Variants in PUDP observed in about 807,000 individuals in gnomAD.
PUDP encodes pseudouridine-5'-phosphatase.
In PUDP, 8 loss-of-function variants were observed where a neutral mutation model predicts 9.4. That is an observed-to-expected ratio of 0.85 (90% CI 0.50 to 1.53). The LOEUF (loss-of-function observed/expected upper bound fraction) is 1.53. Ranked by LOEUF, PUDP falls within the 40% of genes most tolerant of loss-of-function variation. The pLI, the probability that PUDP is intolerant of heterozygous loss-of-function variation, is 0.00. For missense variants in PUDP, 188 were observed against 189.7 expected, an observed-to-expected ratio of 0.99 and a Z score of 0.05; for synonymous variants, 99 against 80.7, an observed-to-expected ratio of 1.23 and a Z score of -1.22.
At chrX:7,138,215 T>C (rs1932768254) in intron 1 of PUDP, among the ~76,000 whole-genome samples, 1 of 111,392 alleles carries the variant, frequency 9.0e-6, no homozygotes, top group Non-Finnish European at 1.9e-5. Flanking sequence ...GGTGTCTCGA[T>C]AACCATCCTA....
At chrX:7,035,338 T>C (rs1371125900) in intron 1 of PUDP, among the ~76,000 whole-genome samples, 1 of 112,099 alleles carries the variant, frequency 8.9e-6, no homozygotes, top group Admixed American at 9.5e-5. Context: ...TAACCACTTA[T>C]GCAATTATTT....
At chrX:7,122,470 A>AT (rs781254091) in intron 1 of PUDP, among the ~76,000 whole-genome samples, 5 of 110,949 alleles carry the variant, frequency 4.5e-5, no homozygotes, top group South Asian at 7.7e-4. Flanking sequence ...TCCTACATGG[A>AT]TTTTTTCAAA....
chrX:7,133,893 G>A (rs2146929201), intron 1 of PUDP, among the ~76,000 whole-genome samples: 1 of 112,310 alleles, frequency 8.9e-6, no homozygotes, highest in South Asian at 3.7e-4. Flanking sequence ...CTTGATCTCA[G>A]CATAAACCCT....
At chrX:6,709,693 T>A (rs1924509691) in intron 1 of PUDP, among the ~76,000 whole-genome samples, 1 of 112,620 alleles carries the variant, frequency 8.9e-6, no homozygotes. Context: ...AATTTTATGC[T>A]CAGACTATAG....
intron 1 of PUDP, among the ~76,000 whole-genome samples, chrX:6,712,570 G>A (rs1031598722): frequency 8.9e-6 from 1 of 112,114 alleles, no homozygotes; most frequent in African/African-American, 3.2e-5. Context: ...GCAGTAAGAT[G>A]AAGCGGTTCA....
intron 1 of PUDP, among the ~76,000 whole-genome samples, chrX:6,711,932 G>A (rs1341435078): frequency 9.0e-6 from 1 of 111,522 alleles, no homozygotes; most frequent in Non-Finnish European, 1.9e-5. Context: ...ACCTATAGTC[G>A]CATCCTCAGA....
At chrX:7,064,680 C>T (rs1930497377) in intron 3 of PUDP, among the ~76,000 whole-genome samples, 1 of 111,298 alleles carries the variant, frequency 9.0e-6, no homozygotes, top group African/African-American at 3.3e-5. Context: ...CACACAGAGC[C>T]CCTTGACTCC....
At position 6,907,632 on chromosome X, in the gene PUDP, A is replaced by C. The variant is rs374314319; in HGVS notation, c.*247+69501T>G. ...AGCACCTCCCACAAAGTAAGAGCTC[A>C]ATAAAGTCACTGTAGGAATGAATTA... On this transcript the variant is annotated intron_variant and NMD_transcript_variant, in intron 3 of 3. Coordinates refer to the PUDP transcript ENST00000655425. Among the ~76,000 whole-genome samples, 7 of 111,957 alleles carry C rather than the reference A, an allele frequency of 6.3e-5. 1 individual carries two copies. The East Asian group carries it at 1.1e-3, about 18-fold the overall frequency.
chrX:6,924,945 G>A (rs1928079246), intron 3 of PUDP, among the ~76,000 whole-genome samples: 2 of 112,197 alleles, frequency 1.8e-5, no homozygotes, highest in South Asian at 7.5e-4. Context: ...ACGAGCTGCT[G>A]TTATGTGTGA....
intron 3 of PUDP, among the ~76,000 whole-genome samples, chrX:6,863,559 T>C (rs1257953882): frequency 9.8e-5 from 11 of 111,893 alleles, no homozygotes; most frequent in African/African-American, 3.3e-4. Flanking sequence ...ATAATCGGGG[T>C]GACTGCATGT....
intron 3 of PUDP, among the ~76,000 whole-genome samples, chrX:6,850,142 A>G (rs1014938756): frequency 3.6e-5 from 4 of 111,642 alleles, no homozygotes; most frequent in African/African-American, 1.3e-4. Context: ...TGGAATTCTA[A>G]AAGAATAAGC....
chrX:6,746,289 G>A (rs777101092), intron 3 of PUDP, among the ~76,000 whole-genome samples: 34 of 112,174 alleles, frequency 3.0e-4, no homozygotes, highest in African/African-American at 1.0e-3. Context: ...CCTCCCTTGA[G>A]AAATTTCTCT....
intron 1 of PUDP, among the ~76,000 whole-genome samples, chrX:6,998,347 G>A (rs762433390): frequency 5.0e-4 from 56 of 111,652 alleles, no homozygotes; most frequent in Non-Finnish European, 8.7e-4. Flanking sequence ...AGACTTGCTG[G>A]ACTAGATCAA....
intron 1 of PUDP, among the ~76,000 whole-genome samples, chrX:7,109,454 A>C (rs1221169179): frequency 8.9e-6 from 1 of 112,242 alleles, no homozygotes; most frequent in Non-Finnish European, 1.9e-5. Context: ...GACTAAGGCG[A>C]GTGTGCGAAC....
intron 3 of PUDP, among the ~76,000 whole-genome samples, chrX:6,900,325 T>TTGG (rs1927656603): frequency 3.9e-5 from 2 of 50,963 alleles, no homozygotes; most frequent in South Asian, 2.3e-3. Context: ...TTGTCACCAC[T>TTGG]TGGGGGGGGG....
At chrX:6,806,563 A>G (rs181667367) in intron 3 of PUDP, among the ~76,000 whole-genome samples, 24 of 111,956 alleles carry the variant, frequency 2.1e-4, no homozygotes, top group African/African-American at 7.8e-4. Context: ...TCCTGAACTC[A>G]AGCAATGTGC....
At chrX:6,781,379 C>T (rs1925559563) in intron 3 of PUDP, among the ~76,000 whole-genome samples, 1 of 111,847 alleles carries the variant, frequency 8.9e-6, no homozygotes, top group East Asian at 2.8e-4. Flanking sequence ...ATCATTCTGA[C>T]ATGATCAATC....
Position 7,026,124 on chromosome X carries a change from T to C in PUDP, c.205-47781A>G, listed in dbSNP as rs142217209. ...TATAATGCATAACCTCTTAGAACTATAAATGTGTATTGTTTCTCTTTATCT... is the reference window on the plus strand; with the variant it reads ...TATAATGCATAACCTCTTAGAACTACAAATGTGTATTGTTTCTCTTTATCT... On this transcript the variant is annotated intron_variant and NMD_transcript_variant, in intron 1 of 3. Coordinates refer to the PUDP transcript ENST00000655425. Among the ~76,000 whole-genome samples, 1,016 of 112,178 alleles carry C rather than the reference T, an allele frequency of 9.1e-3. 16 individuals carry two copies. The highest frequency in any genetic ancestry group is 0.031 in the African/African-American group (965 of 30,925).
intron 3 of PUDP, among the ~76,000 whole-genome samples, chrX:6,968,486 G>A (rs1928820644): frequency 9.0e-6 from 1 of 111,093 alleles, no homozygotes; most frequent in Non-Finnish European, 1.9e-5. Context: ...GTGGCTCAGA[G>A]TCTGTGATCT....
Sources: gnomAD v4.1 joint callset for allele counts (sites outside exome capture counted in the v4.1 genomes callset) on GRCh38, gnomAD v4.1.1 for gene constraint, MANE v1.5 for transcripts, NCBI Gene and HGNC (gene_info 2026-07-23, HGNC 2026-07-21) for gene names.